Variants in NRXN1 observed in about 807,000 individuals in gnomAD.
The protein encoded by NRXN1 is neurexin-1.
A neutral mutation model predicts 150.9 loss-of-function variants in NRXN1; 39 were observed. The observed-to-expected ratio is 0.26, with a 90% CI of 0.20 to 0.34. The LOEUF (loss-of-function observed/expected upper bound fraction) is 0.34, where lower values mean the gene tolerates loss of function less well. NRXN1 is among the 10% of genes least tolerant of loss of function. The probability of loss-of-function intolerance (pLI) is 1.00; values close to 1 mark genes in which losing one functional copy is unlikely to be tolerated. For synonymous variants in NRXN1, 924 were observed against 757.0 expected (o/e 1.22, Z -3.62); for missense variants, 1,815 against 1,949.9 (o/e 0.93, Z 1.30).
intron 8 of NRXN1, among the ~76,000 whole-genome samples, chr2:50,595,063 C>T (rs551291627): frequency 3.3e-5 from 5 of 150,652 alleles, no homozygotes; most frequent in African/African-American, 1.2e-4. Context: ...ATCTGCACAT[C>T]CAGATTGGGA....
intron 5 of NRXN1, among the ~76,000 whole-genome samples, chr2:50,769,983 T>A (rs1702812471): frequency 6.6e-6 from 1 of 152,128 alleles, no homozygotes; most frequent in Non-Finnish European, 1.5e-5. Flanking sequence ...AAATCACTAA[T>A]AAGGGGCATT....
intron 5 of NRXN1, among the ~76,000 whole-genome samples, chr2:50,889,138 T>C (rs1680686682): frequency 6.6e-6 from 1 of 151,704 alleles, no homozygotes; most frequent in Non-Finnish European, 1.5e-5. Flanking sequence ...ACATGGAGAT[T>C]GGCAAAGAAT....
At chr2:50,894,639 G>A (rs1681638942) in intron 5 of NRXN1, among the ~76,000 whole-genome samples, 1 of 152,054 alleles carries the variant, frequency 6.6e-6, no homozygotes, top group African/African-American at 2.4e-5. Flanking sequence ...CAGTCCATGA[G>A]ATTAACATAA....
intron 19 of NRXN1, among the ~76,000 whole-genome samples, chr2:50,057,667 G>C (rs1212743945): frequency 6.6e-6 from 1 of 152,180 alleles, no homozygotes; most frequent in Non-Finnish European, 1.5e-5. Flanking sequence ...TCTGTAGAAT[G>C]AGGTAGTCAA....
intron 18 of NRXN1, among the ~76,000 whole-genome samples, chr2:50,149,724 G>A (rs2058587476): frequency 6.6e-6 from 1 of 151,496 alleles, no homozygotes; most frequent in Admixed American, 6.6e-5. Flanking sequence ...TTATCTCAGT[G>A]CCAAGCACAT....
intron 21 of NRXN1, among the ~76,000 whole-genome samples, chr2:49,974,682 A>G (rs922721185): frequency 1.3e-4 from 19 of 151,870 alleles, no homozygotes; most frequent in African/African-American, 3.9e-4. Context: ...TTGAATGCCA[A>G]GTTTATAATG....
chr2:49,967,064 G>A (rs1173887791), intron 21 of NRXN1, among the ~76,000 whole-genome samples: 1 of 152,080 alleles, frequency 6.6e-6, no homozygotes, highest in Non-Finnish European at 1.5e-5. Flanking sequence ...ATCGAACCCA[G>A]TGATAAATTT....
At chr2:50,612,334 AG>A (rs1678295512) in intron 8 of NRXN1, among the ~76,000 whole-genome samples, 1 of 152,216 alleles carries the variant, frequency 6.6e-6, no homozygotes, top group Non-Finnish European at 1.5e-5. Flanking sequence ...TATTCAAAAA[AG>A]GGCTAGTAAA....
intron 21 of NRXN1, among the ~76,000 whole-genome samples, chr2:49,969,427 A>G (rs959763373): frequency 3.9e-5 from 6 of 152,082 alleles, no homozygotes; most frequent in African/African-American, 1.4e-4. Context: ...TACATATGCA[A>G]CTTCTAAATA....
intron 18 of NRXN1, among the ~76,000 whole-genome samples, chr2:50,219,976 A>ATATATATATTATATATTATATATATATAT (rs2063739910): frequency 2.2e-5 from 1 of 44,480 alleles, no homozygotes; most frequent in African/African-American, 2.3e-4. Flanking sequence ...TATATATATA[A>ATATATATATTATATATTATATATATATAT]TATATATATT....
At chr2:51,018,016 G>A (rs946949000) in intron 2 of NRXN1, among the ~76,000 whole-genome samples, 2 of 152,004 alleles carry the variant, frequency 1.3e-5, no homozygotes, top group Non-Finnish European at 2.9e-5. Flanking sequence ...GTCTCCGCTG[G>A]ACGGGGCTGT....
At chr2:50,394,635 G>A (rs1292550366) in intron 17 of NRXN1, among the ~76,000 whole-genome samples, 1 of 151,616 alleles carries the variant, frequency 6.6e-6, no homozygotes, top group Non-Finnish European at 1.5e-5. Flanking sequence ...TCCTAATACG[G>A]TTTTTTTTCC....
At chr2:50,145,637 T>C (rs1234047806) in intron 18 of NRXN1, among the ~76,000 whole-genome samples, 1 of 151,678 alleles carries the variant, frequency 6.6e-6, no homozygotes, top group Non-Finnish European at 1.5e-5. Context: ...CGTAGGCTCT[T>C]AGCTGTGTCA....
intron 8 of NRXN1, chr2:50,554,461 G>T (rs1667946404): frequency 6.6e-6 from 1 of 152,098 alleles, no homozygotes; most frequent in African/African-American, 2.4e-5. Context: ...TACCGAACTG[G>T]GAAATCTCTG....
chr2:50,445,481 T>C, intron 17 of NRXN1, among the ~76,000 whole-genome samples: 1 of 152,138 alleles, frequency 6.6e-6, no homozygotes, highest in East Asian at 1.9e-4. Flanking sequence ...GGCAACTAAA[T>C]GAAATTCTGA....
rs1671066566 is a variant in NRXN1 at position 51,028,988 on chromosome 2, TTTAC to T, written c.-719_-716del. 6.6e-6 allele frequency: 1 copy of T among 152,186 alleles called. No individual in the cohort carries two copies. The highest frequency in any genetic ancestry group is 1.5e-5 in the Non-Finnish European group (1 of 68,030). The allele number at this position is 152,186 out of a possible 1,614,324, so 9.4% of individuals were successfully genotyped here. ...TTGTGCGTGGTCTCACAAGTTGGAT[TTTAC>T]TTCTCTTTTCAGCCACGGCAACAGT... On this transcript the variant is annotated 5_prime_UTR_variant, in exon 2 of 23. Coordinates refer to ENST00000401669, the MANE Select transcript of NRXN1 (RefSeq NM_001330078.2).
intron 5 of NRXN1, among the ~76,000 whole-genome samples, chr2:50,627,146 G>C (rs1322409127): frequency 6.6e-6 from 1 of 151,830 alleles, no homozygotes; most frequent in Non-Finnish European, 1.5e-5. Context: ...ATGCTGATAA[G>C]ATAAAAATTG....
intron 17 of NRXN1, among the ~76,000 whole-genome samples, chr2:50,436,057 A>G (rs2085393807): frequency 6.6e-6 from 1 of 152,214 alleles, no homozygotes; most frequent in African/African-American, 2.4e-5. Context: ...AGTTTAAAAA[A>G]GAAAAATCTA....
chr2:50,400,670 C>G (rs1186157145), intron 17 of NRXN1, among the ~76,000 whole-genome samples: 2 of 151,968 alleles, frequency 1.3e-5, no homozygotes, highest in Non-Finnish European at 2.9e-5. Context: ...TCAGTGTGGA[C>G]AAGTAAGGTT....
Sources: gnomAD v4.1 joint callset for allele counts (sites outside exome capture counted in the v4.1 genomes callset) on GRCh38, gnomAD v4.1.1 for gene constraint, MANE v1.5 for transcripts, NCBI Gene and HGNC (gene_info 2026-07-23, HGNC 2026-07-21) for gene names.